The following VPS13A variants were observed in gnomAD, a reference collection of about 807,000 sequenced individuals.
VPS13A encodes the protein intermembrane lipid transfer protein VPS13A.
In VPS13A, 264 loss-of-function variants were observed where a neutral mutation model predicts 390.9. That is an observed-to-expected ratio of 0.68 (90% confidence interval 0.61 to 0.75). VPS13A has a LOEUF of 0.75. Ranked by LOEUF, VPS13A falls within the 30% of genes least tolerant of loss-of-function variation. The pLI is 0.00. For synonymous variants in VPS13A, 1,231 were observed against 1,227.1 expected (o/e 1.00, Z -0.07); for missense variants, 3,409 against 3,733.9 (o/e 0.91, Z 2.27).
chr9:77,202,275 C>G (rs758995166), intron 3 of VPS13A, among the ~76,000 whole-genome samples: 1 of 152,080 alleles, frequency 6.6e-6, no homozygotes, highest in Non-Finnish European at 1.5e-5. Flanking sequence ...CTTTTAAAGA[C>G]TGTTTACTGT....
chr9:77,400,422 G>C (rs756821407), intron 68 of VPS13A, among the ~76,000 whole-genome samples: 2 of 151,460 alleles, frequency 1.3e-5, no homozygotes, highest in Non-Finnish European at 2.9e-5. Flanking sequence ...CTTTATTACT[G>C]TTTATTTGCT....
At chr9:77,293,928 A>G (rs1827824543) in intron 32 of VPS13A, among the ~76,000 whole-genome samples, 1 of 152,034 alleles carries the variant, frequency 6.6e-6, no homozygotes, top group Admixed American at 6.6e-5. Context: ...TCTAGAGACA[A>G]GGTCTTGCTC....
At chr9:77,321,837 GT>G (rs905149865) in intron 44 of VPS13A, 91 bp downstream of exon 44, 10 of 1,474,374 alleles carry the variant, frequency 6.8e-6, no homozygotes, top group South Asian at 2.5e-5. Flanking sequence ...TCTTAGCAAG[GT>G]TTTTTTTGTT....
chr9:77,295,984 A>G, intron 33 of VPS13A, 138 bp downstream of exon 33: 1 of 970,036 alleles, frequency 1.0e-6, no homozygotes, highest in Non-Finnish European at 1.5e-6. Flanking sequence ...TCTCTTCCTT[A>G]AGTATATTTT....
At chr9:77,226,850 A>AATAT in intron 15 of VPS13A, among the ~76,000 whole-genome samples, 1 of 152,262 alleles carries the variant, frequency 6.6e-6, no homozygotes, top group Admixed American at 6.5e-5. Context: ...ATAGCACAGT[A>AATAT]ATAAATAAAT....
Position 77,373,337 on chromosome 9 carries a change from C to G in VPS13A, c.9077+2188C>G, listed in dbSNP as rs1293178641. On this transcript the variant is annotated intron_variant, in intron 67 of 71. Coordinates refer to ENST00000360280, the MANE Select transcript of VPS13A (RefSeq NM_033305.3). ...AGCCCTCAGAAATAACGCCGCATAT[C>G]TACAACTATCTGATCTTTGACAAAC... is the stretch of plus-strand genomic sequence containing the variant. 2.1e-5 allele frequency among the ~76,000 whole-genome samples: 3 copies of G among 145,458 alleles called. No homozygotes were observed. In the East Asian group the frequency reaches 6.0e-4, roughly 29 times the overall value.
chr9:77,372,932 T>C (rs1458137940), intron 67 of VPS13A, among the ~76,000 whole-genome samples: 1 of 151,846 alleles, frequency 6.6e-6, no homozygotes, highest in African/African-American at 2.4e-5. Context: ...TTACAAGGGA[T>C]GTGAAGGACC....
In VPS13A at chr9:77,337,525, T is replaced by C. The variant is rs762107917; in HGVS notation, c.6366T>C (p.Ala2122=). 4 of 1,612,750 alleles carry C rather than the reference T, an allele frequency of 2.5e-6. No homozygotes were observed. In the South Asian group the frequency reaches 4.4e-5, roughly 18 times the overall value. ...GAAATCTTCTTCCTTACAAAATTGCTTATTATATAGAGGTATCGGCAAACT... is the reference window on the plus strand; with the variant it reads ...GAAATCTTCTTCCTTACAAAATTGCCTATTATATAGAGGTATCGGCAAACT... ...LLRNLLPYKI[A]YYIEGIENSV... The change falls in exon 47 of 72, where the codon GCT becomes GCC. Residue 2122 remains alanine, a synonymous_variant. Transcript: ENST00000360280.
rs1214465881 is a variant in VPS13A at position 77,207,299 on chromosome 9, CAT to C, written c.385+1223_385+1224del. ...AACATGCATATTATCTATAACATAA[CAT>C]ATTTTATAACATATAATTAATGACA... is the stretch of plus-strand genomic sequence containing the variant. On this transcript the variant is annotated intron_variant, in intron 5 of 71. Transcript: ENST00000360280. 3.5e-4 allele frequency among the ~76,000 whole-genome samples: 45 copies of C among 127,346 alleles called. No homozygotes were observed. In the East Asian group the frequency reaches 4.9e-3, roughly 14 times the overall value. 83.5% of individuals were successfully genotyped at this position (127,346 alleles called of 152,430 possible).
At chr9:77,220,991 T>G (rs1564640766) in intron 12 of VPS13A, among the ~76,000 whole-genome samples, 194 bp from the exon 13 acceptor site, 1 of 152,096 alleles carries the variant, frequency 6.6e-6, no homozygotes, top group African/African-American at 2.4e-5. Context: ...TATTTTCACT[T>G]AAGAAAGAGG....
intron 68 of VPS13A, among the ~76,000 whole-genome samples, chr9:77,393,279 C>T (rs978618248): frequency 1.3e-5 from 2 of 152,194 alleles, no homozygotes; most frequent in African/African-American, 4.8e-5. Context: ...CTTCTAATCC[C>T]CTTGCTATTT....
intron 59 of VPS13A, among the ~76,000 whole-genome samples, chr9:77,364,408 A>G (rs971534979): frequency 6.6e-6 from 1 of 152,164 alleles, no homozygotes; most frequent in Non-Finnish European, 1.5e-5. Context: ...CTAGGTGACC[A>G]GAGCGAGACT....
At chr9:77,404,951 G>A (rs1834530453) in intron 69 of VPS13A, among the ~76,000 whole-genome samples, 1 of 151,988 alleles carries the variant, frequency 6.6e-6, no homozygotes, top group African/African-American at 2.4e-5. Context: ...ATAAATCCTG[G>A]CTAGCTCTCT....
intron 13 of VPS13A, among the ~76,000 whole-genome samples, chr9:77,222,584 G>A (rs570415818): frequency 6.6e-6 from 1 of 152,280 alleles, no homozygotes; most frequent in Admixed American, 6.5e-5. Flanking sequence ...GCAACACTGT[G>A]TCTAGCAAAT....
chr9:77,287,474 T>C (rs1433252129), intron 31 of VPS13A, among the ~76,000 whole-genome samples: 5 of 152,040 alleles, frequency 3.3e-5, no homozygotes, highest in East Asian at 3.9e-4. Context: ...ATTACAGACA[T>C]GAGCTGAGCC....
intron 23 of VPS13A, among the ~76,000 whole-genome samples, chr9:77,272,298 C>G (rs1480711946): frequency 6.6e-6 from 1 of 152,110 alleles, no homozygotes; most frequent in Non-Finnish European, 1.5e-5. Flanking sequence ...CTTATCACCA[C>G]TTTTGAAAAT....
rs750675055 is a variant in VPS13A, at chr9:77,260,351, CTTTTTTTTTT to C, written c.2427+141_2427+150del. On this transcript the variant is annotated intron_variant, in intron 23 of 71. Transcript: ENST00000360280. The stretch of plus-strand genomic sequence containing the variant: ...TTTTGAATAGACATTAAGAAAATTA[CTTTTTTTTTT>C]TTTTTTTTTTTTTGAGATGGAGTCT... 3.8e-3 allele frequency: 1,443 copies of C among 376,282 alleles called. 1 individual carries two copies. The highest frequency in any genetic ancestry group is 5.6e-3 in the Non-Finnish European group (1,275 of 229,712). 23.3% of individuals were successfully genotyped at this position (376,282 alleles called of 1,614,324 possible).
rs2131658911 is a variant in VPS13A, at chr9:77,407,524, T to C, written c.9400-9T>C. ...ATCTTTTTAATGAATTTACATATTC[T>C]GTTTATAGGAACGAGTGAAGTCTGT... On this transcript the variant is annotated splice_polypyrimidine_tract_variant and intron_variant, in intron 70 of 71. Transcript: ENST00000360280. The C allele has an allele frequency of 5.6e-6, 9 of 1,607,340 alleles. No individual in the cohort carries two copies. Among genetic ancestry groups the C allele is most frequent in the Non-Finnish European group, 7.7e-6 (9 of 1,174,436 alleles).
intron 50 of VPS13A, among the ~76,000 whole-genome samples, chr9:77,343,557 CT>C (rs1364946383): frequency 3.9e-5 from 6 of 152,156 alleles, no homozygotes; most frequent in African/African-American, 9.7e-5. Context: ...TTTGTCCAGT[CT>C]TCTCTGTAGT....
Sources: gnomAD v4.1 joint callset for allele counts (sites outside exome capture counted in the v4.1 genomes callset) on GRCh38, gnomAD v4.1.1 for gene constraint, MANE v1.5 for transcripts, NCBI Gene and HGNC (gene_info 2026-07-23, HGNC 2026-07-21) for gene names.